The following EPHA5 variants were observed in gnomAD, a reference collection of about 807,000 sequenced individuals.
EPHA5 encodes EPH receptor A5.
EPHA5 carries 60 observed loss-of-function variants against 105.0 expected under a neutral mutation model. That is an observed-to-expected ratio of 0.57 (90% CI 0.46 to 0.71). The LOEUF is 0.71. EPHA5 is among the 30% of genes least tolerant of loss of function. The pLI, the probability that EPHA5 is intolerant of heterozygous loss-of-function variation, is 0.00. For missense variants in EPHA5, 1,218 were observed against 1,274.7 expected (o/e 0.96, Z 0.68); for synonymous variants, 513 against 449.1 (o/e 1.14, Z -1.80).
At chr4:65,555,073 T>G (rs940153204) in intron 3 of EPHA5, among the ~76,000 whole-genome samples, 4 of 151,840 alleles carry the variant, frequency 2.6e-5, no homozygotes, top group African/African-American at 9.7e-5. Context: ...TTTAATCTTT[T>G]GAATATCTAT....
chr4:65,657,789 T>C (rs925728168), intron 1 of EPHA5, among the ~76,000 whole-genome samples: 2 of 151,650 alleles, frequency 1.3e-5, no homozygotes, highest in African/African-American at 4.8e-5. Flanking sequence ...AATGTATAGA[T>C]TATAACATAC....
intron 2 of EPHA5, among the ~76,000 whole-genome samples, chr4:65,606,064 T>C (rs1248204090): frequency 6.6e-6 from 1 of 152,246 alleles, no homozygotes; most frequent in African/African-American, 2.4e-5. Flanking sequence ...CTTGTCAGCA[T>C]GTCTCTGCCT....
At chr4:65,369,324 TA>T in intron 8 of EPHA5, among the ~76,000 whole-genome samples, 1 of 152,298 alleles carries the variant, frequency 6.6e-6, no homozygotes, top group African/African-American at 2.4e-5. Flanking sequence ...AAATTATTTT[TA>T]GTGAAACTCT....
At chr4:65,342,500 T>C (rs919016805) in intron 14 of EPHA5, among the ~76,000 whole-genome samples, 3 of 151,892 alleles carry the variant, frequency 2.0e-5, no homozygotes, top group African/African-American at 7.2e-5. Flanking sequence ...GCAAGAAATA[T>C]GTCTATAATA....
intron 5 of EPHA5, among the ~76,000 whole-genome samples, chr4:65,464,864 T>C (rs573872885): frequency 6.6e-6 from 1 of 152,248 alleles, no homozygotes; most frequent in Admixed American, 6.5e-5. Flanking sequence ...ATTACATTCA[T>C]TTATTTATTC....
Position 65,410,139 on chromosome 4 carries a change from C to T in EPHA5, c.1687+4145G>A, listed in dbSNP as rs185544370. On this transcript the variant is annotated intron_variant, in intron 7 of 16. Coordinates refer to ENST00000613740, the MANE Select transcript of EPHA5 (RefSeq NM_001281766.3). ...TTTACAGTATCTTTATTTGTGATAG[C>T]AAAAACTGTAATCAGCCCTGACATC... Among the ~76,000 whole-genome samples the T allele has an allele frequency of 5.9e-5, 9 of 152,176 alleles. No homozygotes were observed. In the East Asian group the frequency reaches 1.7e-3, roughly 29 times the overall value.
chr4:65,628,540 C>T (rs1746348461), intron 2 of EPHA5, among the ~76,000 whole-genome samples: 1 of 151,966 alleles, frequency 6.6e-6, no homozygotes, highest in South Asian at 2.1e-4. Context: ...TAACCTTAAT[C>T]TATATATTTT....
chr4:65,564,983 A>G (rs1739381503), intron 3 of EPHA5, among the ~76,000 whole-genome samples: 1 of 151,702 alleles, frequency 6.6e-6, no homozygotes, highest in South Asian at 2.1e-4. Context: ...TATAATTTCC[A>G]CTTATTCATT....
intron 5 of EPHA5, among the ~76,000 whole-genome samples, chr4:65,473,267 A>G (rs981115073): frequency 2.0e-5 from 3 of 152,040 alleles, no homozygotes; most frequent in African/African-American, 7.2e-5. Context: ...AACGATGCCA[A>G]CCTCTGCCTG....
At chr4:65,596,577 A>C (rs1743209602) in intron 3 of EPHA5, among the ~76,000 whole-genome samples, 1 of 152,136 alleles carries the variant, frequency 6.6e-6, no homozygotes, top group Non-Finnish European at 1.5e-5. Context: ...GAGCAGTTAA[A>C]ATGGGGGGAA....
At position 65,585,755 on chromosome 4, in the gene EPHA5, T is replaced by C. The variant is rs188743578; in HGVS notation, c.910+15886A>G. Among the ~76,000 whole-genome samples the C allele has an allele frequency of 5.0e-4, 76 of 151,942 alleles. 2 individuals carry two copies. The highest frequency in any genetic ancestry group is 4.4e-5 in the Non-Finnish European group (3 of 67,828). The stretch of plus-strand genomic sequence containing the variant: ...AGCTGTTGTAATTAGTGCTTATAAG[T>C]CTATGAGCTCTAAGAAGCATTTAAA... On this transcript the variant is annotated intron_variant, in intron 3 of 16. Transcript: ENST00000613740.
At position 65,348,731 on chromosome 4, in the gene EPHA5, G is replaced by GCA. The variant is rs1722496872; in HGVS notation, c.2446-529_2446-528insTG. 1.5e-4 allele frequency among the ~76,000 whole-genome samples: 17 copies of GCA among 112,434 alleles called. No homozygotes were observed. In the Admixed American group the frequency reaches 1.7e-3, roughly 12 times the overall value. 73.8% of individuals were successfully genotyped at this position (112,434 alleles called of 152,430 possible). Reference sequence around the variant, plus strand: ...TATGTGTGTGTATATATATGTGTGTGTATATATATGTGTGTGCATATATAT... The same window carrying GCA: ...TATGTGTGTGTATATATATGTGTGTGCATATATATATGTGTGTGCATATATAT... On this transcript the variant is annotated intron_variant, in intron 13 of 16. Transcript: ENST00000613740.
At chr4:65,413,733 G>A (rs971886114) in intron 7 of EPHA5, among the ~76,000 whole-genome samples, 4 of 152,012 alleles carry the variant, frequency 2.6e-5, no homozygotes, top group South Asian at 2.1e-4. Flanking sequence ...TGAAATTAAA[G>A]GAAAATATTT....
intron 3 of EPHA5, among the ~76,000 whole-genome samples, chr4:65,546,054 A>G (rs1308155098): frequency 6.6e-6 from 1 of 151,994 alleles, no homozygotes; most frequent in African/African-American, 2.4e-5. Flanking sequence ...AATAAACAAT[A>G]TGTAAATAAA....
rs1055148993 is a variant in EPHA5 at position 65,583,689 on chromosome 4, A to G, written c.910+17952T>C. Among the ~76,000 whole-genome samples, 3 of 151,732 alleles carry G rather than the reference A, an allele frequency of 2.0e-5. No individual in the cohort carries two copies. In the Admixed American group the frequency reaches 2.0e-4, roughly 10 times the overall value. On this transcript the variant is annotated intron_variant, in intron 3 of 16. Transcript: ENST00000613740. ...AAGGCTAATTTGAATGTGGTCCGGCACTTTTCCCTATGGCTTGTGGTTATC... is the reference window on the plus strand; with the variant it reads ...AAGGCTAATTTGAATGTGGTCCGGCGCTTTTCCCTATGGCTTGTGGTTATC...
At position 65,518,310 on chromosome 4, in the gene EPHA5, G is replaced by A. The variant is rs991052164; in HGVS notation, c.911-22767C>T. On this transcript the variant is annotated intron_variant, in intron 3 of 16. Transcript: ENST00000613740. ...TTAAGATGATTTTAAGATGTCTTAC[G>A]TATTATCTTATAATGTGTAAATTAG... 6.0e-5 allele frequency among the ~76,000 whole-genome samples: 9 copies of A among 150,704 alleles called. No homozygotes were observed. The South Asian group carries it at 6.4e-4, about 11-fold the overall frequency.
chr4:65,392,725 G>A (rs2148959573), intron 8 of EPHA5, among the ~76,000 whole-genome samples: 1 of 152,156 alleles, frequency 6.6e-6, no homozygotes, highest in South Asian at 2.1e-4. Flanking sequence ...TATGGGTTGA[G>A]CATTTCATTA....
chr4:65,663,264 T>C (rs1749696180), intron 1 of EPHA5, among the ~76,000 whole-genome samples: 1 of 152,144 alleles, frequency 6.6e-6, no homozygotes, highest in Admixed American at 6.5e-5. Context: ...CTGCTTATGG[T>C]TTCTTTAAAT....
At chr4:65,388,740 A>C (rs2148949814) in intron 8 of EPHA5, among the ~76,000 whole-genome samples, 1 of 148,628 alleles carries the variant, frequency 6.7e-6, no homozygotes, top group East Asian at 2.0e-4. Context: ...GTAGGTTGCG[A>C]AAATTTTCTC....
Sources: allele counts gnomAD v4.1 joint callset (sites outside exome capture counted in the v4.1 genomes callset), GRCh38; gene constraint gnomAD v4.1.1; transcripts MANE v1.5; gene names NCBI Gene and HGNC (gene_info 2026-07-23, HGNC 2026-07-21).